Variants in APPBP2 observed in about 807,000 individuals in gnomAD.
APPBP2 encodes amyloid beta precursor protein binding protein 2.
A neutral mutation model predicts 76.0 loss-of-function variants in APPBP2; 15 were observed. That is an observed-to-expected ratio of 0.20 (90% CI 0.13 to 0.30). The LOEUF is 0.30. Among genes scored for constraint, APPBP2 ranks in the 10% least tolerant of loss-of-function variants. The probability of loss-of-function intolerance (pLI) is 1.00; values close to 1 mark genes in which losing one functional copy is unlikely to be tolerated. For synonymous variants in APPBP2, 222 were observed against 242.2 expected, an observed-to-expected ratio of 0.92 and a Z score of 0.77; for missense variants, 401 against 687.2, an observed-to-expected ratio of 0.58 and a Z score of 4.66.
rs181339157 is a variant in APPBP2 at position 60,503,253 on chromosome 17, C to T, written c.139-2766G>A. ...GTCTCGATTTCTTGACCTCATGATC[C>T]GCCCGCCTCAGCCTTCCAAAGTGCT... On this transcript the variant is annotated intron_variant, in intron 1 of 12. Coordinates refer to ENST00000083182, the MANE Select transcript of APPBP2 (RefSeq NM_006380.5). 3.4e-3 allele frequency among the ~76,000 whole-genome samples: 491 copies of T among 145,870 alleles called. 20 individuals are homozygous for T. The highest frequency in any genetic ancestry group is 4.3e-3 in the Non-Finnish European group (289 of 67,932).
chr17:60,500,349 G>A, intron 2 of APPBP2, 50 bp downstream of exon 2: 1 of 1,298,564 alleles, frequency 7.7e-7, no homozygotes, highest in Non-Finnish European at 1.1e-6. Context: ...CGGTTAAAAT[G>A]GTAAATTTTA....
chr17:60,458,916 G>A (rs2090454009), intron 9 of APPBP2, among the ~76,000 whole-genome samples: 1 of 151,986 alleles, frequency 6.6e-6, no homozygotes, highest in Admixed American at 6.6e-5. Context: ...GGGATTACAG[G>A]CGCATGCCAC....
chr17:60,525,142 T>C (rs572953343), intron 1 of APPBP2, among the ~76,000 whole-genome samples: 1 of 152,356 alleles, frequency 6.6e-6, no homozygotes, highest in African/African-American at 2.4e-5. Flanking sequence ...GATCTCTCCC[T>C]GTCCTCTTCA....
chr17:60,512,602 T>C (rs2090923192), intron 1 of APPBP2, among the ~76,000 whole-genome samples: 1 of 151,292 alleles, frequency 6.6e-6, no homozygotes, highest in Non-Finnish European at 1.5e-5. Flanking sequence ...TTTGGGAGGC[T>C]GAGGCGGGAG....
At chr17:60,479,115 T>C (rs1321607034) in intron 4 of APPBP2, 33 bp downstream of exon 4, 5 of 1,598,222 alleles carry the variant, frequency 3.1e-6, no homozygotes, top group African/African-American at 2.7e-5. Flanking sequence ...AATACTGTTA[T>C]AGCACGTAAT....
At chr17:60,449,854 C>T (rs1372929190) in intron 12 of APPBP2, among the ~76,000 whole-genome samples, 2 of 151,920 alleles carry the variant, frequency 1.3e-5, no homozygotes, top group Admixed American at 1.3e-4. Flanking sequence ...CTGGAGTGCA[C>T]AGTGCAATCT....
At chr17:60,494,689 C>T (rs568128660) in intron 2 of APPBP2, 72 bp from the exon 3 acceptor site, 32 of 1,314,794 alleles carry the variant, frequency 2.4e-5, no homozygotes, top group Non-Finnish European at 3.1e-5. Flanking sequence ...CTAACTGCTT[C>T]TCTTTTAAAT....
At chr17:60,509,541 G>A (rs1003626827) in intron 1 of APPBP2, among the ~76,000 whole-genome samples, 11 of 152,174 alleles carry the variant, frequency 7.2e-5, no homozygotes, top group South Asian at 2.1e-4. Flanking sequence ...GGTGGCTCAC[G>A]CCTGTAATCC....
chr17:60,525,737 G>A (rs1240107560), intron 1 of APPBP2, 57 bp downstream of exon 1: 4 of 1,608,466 alleles, frequency 2.5e-6, no homozygotes, highest in African/African-American at 1.3e-5. Context: ...GACGTGGAAG[G>A]GGGTGCGGCC....
Position 60,494,267 on chromosome 17 carries a change from C to T in APPBP2, c.379+199G>A, listed in dbSNP as rs143062144. On this transcript the variant is annotated intron_variant, in intron 3 of 12. Coordinates refer to ENST00000083182, the MANE Select transcript of APPBP2 (RefSeq NM_006380.5). Reference sequence around the variant, plus strand: ...TAAAATGCTATTAATACCATCACTTCGTTGGAATGTCATGAGGATTTAGAA... The same window carrying T: ...TAAAATGCTATTAATACCATCACTTTGTTGGAATGTCATGAGGATTTAGAA... 5.3e-5 allele frequency among the ~76,000 whole-genome samples: 8 copies of T among 152,298 alleles called. No homozygotes were observed. In the East Asian group the frequency reaches 9.6e-4, roughly 18 times the overall value.
chr17:60,443,354 A>T lies in APPBP2; in HGVS notation c.*4227T>A, dbSNP rs377334995. 1.4e-4 allele frequency: 21 copies of T among 152,706 alleles called. No individual in the cohort carries two copies. The East Asian group carries it at 3.1e-3, about 22-fold the overall frequency. 9.5% of individuals were successfully genotyped at this position (152,706 alleles called of 1,614,324 possible). ...ACCGTCTTCAAAAATCTATTTAATG[A>T]CCTTAGATATTTCTATAGAAATTAT... On this transcript the variant is annotated 3_prime_UTR_variant, in exon 13 of 13. Coordinates refer to ENST00000083182, the MANE Select transcript of APPBP2 (RefSeq NM_006380.5).
chr17:60,485,262 G>C (rs746396194), intron 3 of APPBP2, among the ~76,000 whole-genome samples: 4 of 152,292 alleles, frequency 2.6e-5, no homozygotes, highest in Non-Finnish European at 5.9e-5. Flanking sequence ...GATTGGAAAA[G>C]TTTCAGAAGG....
chr17:60,459,038 T>C (rs947989319), intron 9 of APPBP2, among the ~76,000 whole-genome samples: 23 of 152,130 alleles, frequency 1.5e-4, no homozygotes, highest in African/African-American at 5.5e-4. Context: ...CCCAAAGTGC[T>C]GGGATTACAG....
In APPBP2 at chr17:60,466,412, T is replaced by C; in HGVS notation, c.551A>G (p.Glu184Gly). The C allele has an allele frequency of 6.2e-7, 1 of 1,613,700 alleles. No homozygotes were observed. The highest frequency in any genetic ancestry group is 1.1e-5 in the South Asian group (1 of 91,080). The change falls in exon 5 of 13, where the codon GAA becomes GGA. Residue 184 changes from glutamate to glycine, a missense_variant. This residue lies in a region of APPBP2 where 64 missense variants were observed against 72.9 expected (regional missense o/e 0.88). Transcript: ENST00000083182. Reference protein sequence around the residue: ...NGNCKYHLGEETFKLAQTYMD... With the variant: ...NGNCKYHLGEGTFKLAQTYMD... Reference sequence around the variant, plus strand: ...ATATGTCTGAGCTAATTTAAATGTTTCTTCACCCAAATGATATTTGCAGTT... The same window carrying C: ...ATATGTCTGAGCTAATTTAAATGTTCCTTCACCCAAATGATATTTGCAGTT...
At chr17:60,474,174 T>A (rs995701382) in intron 4 of APPBP2, among the ~76,000 whole-genome samples, 10 of 151,932 alleles carry the variant, frequency 6.6e-5, no homozygotes, top group African/African-American at 2.4e-4. Flanking sequence ...TCATTTTTTT[T>A]TTATTTTTTT....
In APPBP2 at chr17:60,526,203, G is replaced by C. The variant is rs915534602; in HGVS notation, c.-272C>G. On this transcript the variant is annotated 5_prime_UTR_variant, in exon 1 of 13. Coordinates refer to ENST00000083182, the MANE Select transcript of APPBP2 (RefSeq NM_006380.5). ...CCGGTTCGAGAGGAACCCGGGTTCCGTCCCAGCGCTGATCTCTGCAGGGGC... is the reference window on the plus strand; with the variant it reads ...CCGGTTCGAGAGGAACCCGGGTTCCCTCCCAGCGCTGATCTCTGCAGGGGC... 2 of 446,944 alleles carry C rather than the reference G, an allele frequency of 4.5e-6. No homozygotes were observed. The highest frequency in any genetic ancestry group is 4.6e-5 in the East Asian group (1 of 21,838). The allele number at this position is 446,944 out of a possible 1,614,324, so 27.7% of individuals were successfully genotyped here.
intron 4 of APPBP2, among the ~76,000 whole-genome samples, chr17:60,471,815 G>T (rs1455552962): frequency 3.3e-5 from 5 of 152,036 alleles, no homozygotes; most frequent in African/African-American, 1.2e-4. Context: ...TGGTATCAGG[G>T]TAACGTTAAC....
chr17:60,455,288 G>C (rs972434231), intron 10 of APPBP2, among the ~76,000 whole-genome samples: 1 of 152,136 alleles, frequency 6.6e-6, no homozygotes, highest in East Asian at 1.9e-4. Context: ...AGTAAGAAAA[G>C]TCTAAAATAA....
At chr17:60,523,361 G>C (rs2091025563) in intron 1 of APPBP2, among the ~76,000 whole-genome samples, 1 of 151,994 alleles carries the variant, frequency 6.6e-6, no homozygotes, top group Admixed American at 6.6e-5. Context: ...CTAGGCATGG[G>C]TGGCATACAC....
Sources: allele counts gnomAD v4.1 joint callset (sites outside exome capture counted in the v4.1 genomes callset), GRCh38; gene constraint gnomAD v4.1.1; regional missense constraint gnomAD v4.1.1; transcripts MANE v1.5; gene names NCBI Gene and HGNC (gene_info 2026-07-23, HGNC 2026-07-21).